The following NAALADL2 variants were observed in gnomAD, a reference collection of about 807,000 sequenced individuals.
NAALADL2 encodes the protein inactive N-acetylated-alpha-linked acidic dipeptidase-like protein 2.
Under a neutral mutation model 87.2 loss-of-function variants are expected in NAALADL2, and 76 were observed. The ratio of observed to expected loss-of-function variants is 0.87; its 90% CI spans 0.72 to 1.05. NAALADL2 has a LOEUF of 1.05. NAALADL2 is among the 50% of genes least tolerant of loss of function. The pLI is 0.00. For missense variants in NAALADL2, 1,089 were observed against 945.8 expected (o/e 1.15, Z -1.99); for synonymous variants, 354 against 331.0 (o/e 1.07, Z -0.75).
At chr3:174,469,290 C>T (rs1012652069) in intron 1 of NAALADL2, among the ~76,000 whole-genome samples, 1 of 151,084 alleles carries the variant, frequency 6.6e-6, no homozygotes, top group Non-Finnish European at 1.5e-5. Context: ...GACAGTCTCG[C>T]TCTGTCGCCC....
At chr3:175,025,203 A>G (rs1752063592) in intron 1 of NAALADL2, among the ~76,000 whole-genome samples, 1 of 152,112 alleles carries the variant, frequency 6.6e-6, no homozygotes. Flanking sequence ...TCTAGGTGTG[A>G]CAAGGGTTTG....
At chr3:174,538,274 G>A (rs1019159883) in intron 1 of NAALADL2, among the ~76,000 whole-genome samples, 4 of 152,046 alleles carry the variant, frequency 2.6e-5, no homozygotes, top group Admixed American at 6.6e-5. Flanking sequence ...GTTGGCCCAC[G>A]GCATTCCTAA....
chr3:175,368,652 A>T (rs1766015088), intron 5 of NAALADL2, among the ~76,000 whole-genome samples: 1 of 151,838 alleles, frequency 6.6e-6, no homozygotes, highest in African/African-American at 2.4e-5. Context: ...TTAATAATGG[A>T]GATGCTTTCT....
intron 2 of NAALADL2, among the ~76,000 whole-genome samples, chr3:175,102,119 A>T (rs113039414): frequency 4.5e-4 from 68 of 152,326 alleles, no homozygotes; most frequent in Admixed American, 9.8e-4. Context: ...ACTACATAAA[A>T]TACTGCCTGG....
intron 2 of NAALADL2, among the ~76,000 whole-genome samples, chr3:174,708,612 A>G (rs6784378): frequency 0.092 from 14,049 of 152,204 alleles, 839 homozygotes; most frequent in East Asian, 0.33. Context: ...GTCAAATGCT[A>G]TAAAGATAGT....
chr3:175,255,917 T>C (rs1749855093), intron 3 of NAALADL2, among the ~76,000 whole-genome samples: 1 of 152,156 alleles, frequency 6.6e-6, no homozygotes. Flanking sequence ...CACAGCTGGC[T>C]ATTGCACAAT....
chr3:174,752,766 G>C (rs1734966679), intron 3 of NAALADL2, among the ~76,000 whole-genome samples: 1 of 151,894 alleles, frequency 6.6e-6, no homozygotes. Context: ...AATTTCCTTA[G>C]CAATATGTTT....
At chr3:175,048,004 C>T (rs1318593505) in intron 1 of NAALADL2, among the ~76,000 whole-genome samples, 1 of 152,170 alleles carries the variant, frequency 6.6e-6, no homozygotes, top group Non-Finnish European at 1.5e-5. Context: ...CAGGAAGTGG[C>T]ACTTCATTAA....
intron 2 of NAALADL2, among the ~76,000 whole-genome samples, chr3:175,199,864 A>ATTTTTTTTTTT (rs869050569): frequency 1.5e-4 from 2 of 13,056 alleles, no homozygotes. Context: ...ATATATATAT[A>ATTTTTTTTTTT]TTTTTTTTTT....
At chr3:174,806,114 A>T (rs949974739) in intron 3 of NAALADL2, among the ~76,000 whole-genome samples, 10 of 152,180 alleles carry the variant, frequency 6.6e-5, no homozygotes, top group Admixed American at 4.6e-4. Context: ...CCCTTTCTAT[A>T]TTATCACTAA....
chr3:174,979,829 C>G lies in NAALADL2; in HGVS notation c.44-116961C>G, dbSNP rs542741445. Among the ~76,000 whole-genome samples, 21 of 152,240 alleles carry G rather than the reference C, an allele frequency of 1.4e-4. No homozygotes were observed. In the East Asian group the frequency reaches 3.3e-3, roughly 24 times the overall value. On this transcript the variant is annotated intron_variant, in intron 1 of 13. Coordinates refer to ENST00000454872, the MANE Select transcript of NAALADL2 (RefSeq NM_207015.3). ...AGAAATATTTCTGGCATTTGGGATT[C>G]TATAAATCTTAAGCAATGTTCTGCC...
chr3:175,181,553 G>A (rs531231214), intron 2 of NAALADL2, among the ~76,000 whole-genome samples: 2 of 151,274 alleles, frequency 1.3e-5, no homozygotes, highest in African/African-American at 4.9e-5. Context: ...ACATGTAAGT[G>A]ACAACATGTG....
At chr3:174,582,190 G>T (rs1418481767) in intron 2 of NAALADL2, among the ~76,000 whole-genome samples, 1 of 152,134 alleles carries the variant, frequency 6.6e-6, no homozygotes, top group Non-Finnish European at 1.5e-5. Context: ...TGATCTTCAA[G>T]AAATCTTGAA....
chr3:175,358,009 T>G (rs1764580500), intron 5 of NAALADL2, among the ~76,000 whole-genome samples: 1 of 152,120 alleles, frequency 6.6e-6, no homozygotes. Context: ...GATAGCTTAG[T>G]TTATGGAATT....
chr3:175,141,008 A>G (rs1729910907), intron 2 of NAALADL2, among the ~76,000 whole-genome samples: 1 of 152,144 alleles, frequency 6.6e-6, no homozygotes, highest in African/African-American at 2.4e-5. Flanking sequence ...TTAATTGACT[A>G]TGGGATTGTA....
At chr3:175,026,508 A>T (rs1337495496) in intron 1 of NAALADL2, among the ~76,000 whole-genome samples, 1 of 144,248 alleles carries the variant, frequency 6.9e-6, no homozygotes, top group Non-Finnish European at 1.5e-5. Flanking sequence ...AAAAAAAATT[A>T]GCCATACGTG....
intron 1 of NAALADL2, chr3:175,059,883 C>T (rs578254381): frequency 2.0e-5 from 7 of 344,998 alleles, no homozygotes; most frequent in East Asian, 9.1e-5. Context: ...GGGCAAGACA[C>T]GAGTTCACAG....
chr3:175,196,543 T>G (rs897671517), intron 2 of NAALADL2, among the ~76,000 whole-genome samples: 31 of 151,972 alleles, frequency 2.0e-4, no homozygotes, highest in African/African-American at 6.3e-4. Context: ...TAGCTGGCAT[T>G]AAATTCTTCA....
intron 9 of NAALADL2, among the ~76,000 whole-genome samples, chr3:175,474,645 A>G (rs961564525): frequency 1.3e-5 from 2 of 152,168 alleles, no homozygotes; most frequent in Non-Finnish European, 2.9e-5. Context: ...ATCAAGATAT[A>G]CGGCATCTCT....
Sources: gnomAD v4.1 joint callset for allele counts (sites outside exome capture counted in the v4.1 genomes callset) on GRCh38, gnomAD v4.1.1 for gene constraint, MANE v1.5 for transcripts, NCBI Gene and HGNC (gene_info 2026-07-23, HGNC 2026-07-21) for gene names.